The following RAB11FIP3 variants were observed in gnomAD, a reference collection of about 807,000 sequenced individuals.
RAB11FIP3 encodes the protein RAB11 family interacting protein 3.
In RAB11FIP3, 17 loss-of-function variants were observed where a neutral mutation model predicts 77.8. The observed-to-expected ratio is 0.22, with a 90% CI of 0.15 to 0.33. The LOEUF is 0.33. RAB11FIP3 is among the 10% of genes least tolerant of loss of function. RAB11FIP3 has a pLI of 1.00. For missense variants in RAB11FIP3, 1,005 were observed against 1,011.2 expected, an observed-to-expected ratio of 0.99 and a Z score of 0.08; for synonymous variants, 437 against 448.2, an observed-to-expected ratio of 0.98 and a Z score of 0.31.
intron 5 of RAB11FIP3, chr16:490,989 C>G (rs2030128768): frequency 5.4e-6 from 4 of 743,924 alleles, no homozygotes; most frequent in Non-Finnish European, 7.4e-6. Context: ...AAGGCAAGAG[C>G]CAGAACATTG....
intron 3 of RAB11FIP3, among the ~76,000 whole-genome samples, chr16:473,588 C>T (rs2055847416): frequency 6.9e-6 from 1 of 145,730 alleles, no homozygotes; most frequent in Admixed American, 6.9e-5. Context: ...TCAGTAACCA[C>T]CACGCCCAGC....
rs756746072 is a variant in RAB11FIP3, at chr16:521,861, G to A, written c.*1022G>A. 1 of 152,312 alleles carries A rather than the reference G, an allele frequency of 6.6e-6. No homozygotes were observed. Among genetic ancestry groups the A allele is most frequent in the Non-Finnish European group, 1.5e-5 (1 of 68,082 alleles). The allele number at this position is 152,312 out of a possible 1,614,324, so 9.4% of individuals were successfully genotyped here. On this transcript the variant is annotated 3_prime_UTR_variant, in exon 14 of 14. Transcript: ENST00000262305. ...TCCCCGAGGGTGCATGTTGCAGGAG[G>A]GAGAGGGCAGGGAAGACTCACAGCA...
At chr16:484,971 C>T (rs937728091) in intron 4 of RAB11FIP3, among the ~76,000 whole-genome samples, 1 of 152,144 alleles carries the variant, frequency 6.6e-6, no homozygotes, top group African/African-American at 2.4e-5. Flanking sequence ...CTCTCCTGCT[C>T]ACCTTGTGGG....
chr16:446,709 T>G (rs2055322596), intron 1 of RAB11FIP3, among the ~76,000 whole-genome samples: 1 of 152,144 alleles, frequency 6.6e-6, no homozygotes, highest in Non-Finnish European at 1.5e-5. Flanking sequence ...TTTTGTTTTT[T>G]TTTTGAGACG....
intron 7 of RAB11FIP3, among the ~76,000 whole-genome samples, chr16:504,094 A>C (rs1226353529): frequency 5.7e-5 from 1 of 17,472 alleles, no homozygotes; most frequent in African/African-American, 2.5e-4. Flanking sequence ...GTACCCCCTC[A>C]CCTCCTGTAC....
Position 521,042 on chromosome 16 carries a change from G to A in RAB11FIP3, c.*203G>A. On this transcript the variant is annotated 3_prime_UTR_variant, in exon 14 of 14. Transcript: ENST00000262305. The stretch of plus-strand genomic sequence containing the variant: ...GGTGGTGGAGAGGAGAGGGAGAAAG[G>A]GAAGTCCCAGGGCCCGGGGTCCACA... 1.7e-6 allele frequency: 1 copy of A among 594,144 alleles called. No individual in the cohort carries two copies. The highest frequency in any genetic ancestry group is 2.8e-5 in the East Asian group (1 of 35,672). The allele number at this position is 594,144 out of a possible 1,614,324, so 36.8% of individuals were successfully genotyped here. A position where few individuals can be genotyped will look rare whatever the true frequency, so the allele number is the denominator to read the frequency against.
intron 5 of RAB11FIP3, among the ~76,000 whole-genome samples, chr16:491,733 G>GC (rs1452473309): frequency 6.6e-6 from 1 of 152,220 alleles, no homozygotes; most frequent in Non-Finnish European, 1.5e-5. Context: ...CTTGTGGCTG[G>GC]CCCTCATGTC....
In RAB11FIP3 at chr16:507,121, T is replaced by TA. The variant is rs1183337792; in HGVS notation, c.1499+1494_1499+1495insA. On this transcript the variant is annotated intron_variant, in intron 8 of 13. Transcript: ENST00000262305. The surrounding 1 kb of genome is among the most constrained non-coding windows in gnomAD (Gnocchi z 4.6). ...GCACCACCACACCCAGCTTTTTTTT[T>TA]TTTTTTTTTGAGACGGGGTCTCTCT... is the stretch of plus-strand genomic sequence containing the variant. 6.6e-6 allele frequency among the ~76,000 whole-genome samples: 1 copy of TA among 151,354 alleles called. No homozygotes were observed. Among genetic ancestry groups the TA allele is most frequent in the African/African-American group, 2.4e-5 (1 of 41,074 alleles).
rs776030798 is a variant in RAB11FIP3 at position 518,967 on chromosome 16, C to G, written c.1665C>G (p.Asn555Lys). The change falls in exon 10 of 14, where the codon AAC becomes AAG. Residue 555 changes from asparagine (N) to lysine (K), a missense_variant. Asn to Lys is a moderately conservative substitution (Grantham distance 94). Transcript: ENST00000262305. ...QTRLQQLDEE[N>K]SELRSCTPCL... ...GGCTACAGCAACTGGACGAGGAGAA[C>G]AGTGAACTCCGGTCCTGCACGCCCT... 2 of 1,613,724 alleles carry G rather than the reference C, an allele frequency of 1.2e-6. No individual in the cohort carries two copies. The highest frequency in any genetic ancestry group is 3.3e-5 in the Admixed American group (2 of 60,036).
chr16:495,586 G>A (rs2031052000), intron 5 of RAB11FIP3, among the ~76,000 whole-genome samples: 1 of 152,194 alleles, frequency 6.6e-6, no homozygotes, highest in Non-Finnish European at 1.5e-5. Flanking sequence ...ACCTCTTCCT[G>A]CTGTGTTCAC....
At chr16:440,765 G>A (rs1393947678) in intron 1 of RAB11FIP3, among the ~76,000 whole-genome samples, 1 of 152,202 alleles carries the variant, frequency 6.6e-6, no homozygotes, top group Non-Finnish European at 1.5e-5. Context: ...GCCATGCTGG[G>A]GGATCAGGAA....
At chr16:481,235 G>C (rs952211215) in intron 3 of RAB11FIP3, among the ~76,000 whole-genome samples, 3 of 151,946 alleles carry the variant, frequency 2.0e-5, no homozygotes, top group Non-Finnish European at 2.9e-5. Flanking sequence ...CTCCTGGCTG[G>C]CGCTGTGGCT....
At position 505,669 on chromosome 16, in the gene RAB11FIP3, C is replaced by T; in HGVS notation, c.1499+42C>T. 1 of 1,444,410 alleles carries T rather than the reference C, an allele frequency of 6.9e-7. No homozygotes were observed. The highest frequency in any genetic ancestry group is 9.4e-7 in the Non-Finnish European group (1 of 1,065,926). 89.5% of individuals were successfully genotyped at this position (1,444,410 alleles called of 1,614,324 possible). The stretch of plus-strand genomic sequence containing the variant: ...AGACCCGGGCCTCTGCGTGGCGCCT[C>T]CTGTGCCCGCCTGTCAGCCCCCATT... On this transcript the variant is annotated intron_variant, in intron 8 of 13. Transcript: ENST00000262305. The surrounding 1 kb of genome is among the most constrained non-coding windows in gnomAD (Gnocchi z 4.0).
At chr16:492,426 CCCGGGA>C (rs1567392187) in intron 5 of RAB11FIP3, among the ~76,000 whole-genome samples, 17 of 81,074 alleles carry the variant, frequency 2.1e-4, no homozygotes, top group African/African-American at 9.1e-4. Context: ...CAGGGCCCTC[CCCGGGA>C]GACCCGAGGC....
In RAB11FIP3 at chr16:492,510, AGGGCCCTCCCG is replaced by A. The variant is rs2030630485; in HGVS notation, c.1265+3513_1265+3523del. Among the ~76,000 whole-genome samples, 10 of 114,856 alleles carry A rather than the reference AGGGCCCTCCCG, an allele frequency of 8.7e-5. 1 individual carries two copies. The highest frequency in any genetic ancestry group is 3.0e-4 in the African/African-American group (10 of 33,292). 75.3% of individuals were successfully genotyped at this position (114,856 alleles called of 152,430 possible). A position where few individuals can be genotyped will look rare whatever the true frequency, so the allele number is the denominator to read the frequency against. On this transcript the variant is annotated intron_variant, in intron 5 of 13. Transcript: ENST00000262305. ...CCTCCCGGGAGACCCGAGGCCGCCC[AGGGCCCTCCCG>A]GGAGACCCGAGGCCGTCCAGAATCT... is the stretch of plus-strand genomic sequence containing the variant.
At chr16:467,460 C>CTCAGGGAGGAGGTGCTGGGACG (rs2055722860) in intron 2 of RAB11FIP3, among the ~76,000 whole-genome samples, 1 of 114,662 alleles carries the variant, frequency 8.7e-6, no homozygotes, top group Non-Finnish European at 1.8e-5. Flanking sequence ...GTGCAGGGGC[C>CTCAGGGAGGAGGTGCTGGGACG]TCAGGGAGGA....
chr16:467,498 A>G (rs1254903995), intron 2 of RAB11FIP3, among the ~76,000 whole-genome samples: 394 of 69,428 alleles, frequency 5.7e-3, no homozygotes, highest in African/African-American at 0.015. Context: ...GAGGAGGTGC[A>G]GGGGCGTCAG....
rs528465212 is a variant in RAB11FIP3 at position 461,300 on chromosome 16, G to T, written c.715-104G>T. 2 of 803,200 alleles carry T rather than the reference G, an allele frequency of 2.5e-6. No homozygotes were observed. The highest frequency in any genetic ancestry group is 4.0e-6 in the Non-Finnish European group (2 of 504,974). The allele number at this position is 803,200 out of a possible 1,614,324, so 49.8% of individuals were successfully genotyped here. A position where few individuals can be genotyped will look rare whatever the true frequency, so the allele number is the denominator to read the frequency against. On this transcript the variant is annotated intron_variant, in intron 1 of 13. Transcript: ENST00000262305. This position sits in a 1 kb window ranked among gnomAD's most constrained non-coding sequence, Gnocchi z 4.5. ...CCCTCACCTCCTGCTGTGCTTCCCC[G>T]TTCCCAGCAGGCCACACACCAGATC... is the stretch of plus-strand genomic sequence containing the variant.
chr16:489,242 G>T (rs1419583815), intron 5 of RAB11FIP3: 3 of 556,520 alleles, frequency 5.4e-6, no homozygotes, highest in Non-Finnish European at 9.4e-6. Context: ...GCAAAATCCT[G>T]TGGCACAGAG....
Sources: allele counts gnomAD v4.1 joint callset (sites outside exome capture counted in the v4.1 genomes callset), GRCh38; gene constraint gnomAD v4.1.1; non-coding constraint Gnocchi (gnomAD v3.1); transcripts MANE v1.5; gene names NCBI Gene and HGNC (gene_info 2026-07-23, HGNC 2026-07-21).